The following ST18 variants were observed in gnomAD, a reference collection of about 807,000 sequenced individuals.
The protein encoded by ST18 is suppression of tumorigenicity 18 protein.
In ST18, 50 loss-of-function variants were observed where a neutral mutation model predicts 110.0. The observed-to-expected ratio is 0.45, with a 90% CI of 0.36 to 0.58. The LOEUF is 0.58. Among genes scored for constraint, ST18 ranks in the 20% least tolerant of loss-of-function variants. The pLI is 0.00. For missense variants in ST18, 1,306 were observed against 1,280.1 expected, an observed-to-expected ratio of 1.02 and a Z score of -0.31; for synonymous variants, 461 against 452.4, an observed-to-expected ratio of 1.02 and a Z score of -0.24.
chr8:52,172,342 A>G lies in ST18; in HGVS notation c.519T>C (p.Asp173=). 6.2e-7 allele frequency: 1 copy of G among 1,614,142 alleles called. No homozygotes were observed. Among genetic ancestry groups the G allele is most frequent in the South Asian group, 1.1e-5 (1 of 91,084 alleles). Residue 173 remains aspartate (D), a synonymous_variant, in exon 10 of 26, where the codon GAT becomes GAC. Coordinates refer to ENST00000689386, the MANE Select transcript of ST18 (RefSeq NM_001352837.2). ...AATCATCAATCTTGTCTCTTCCATC[A>G]TCAGAATGAATCAGAAAGCACTCGT... ...EADECFLIHS[D]DGRDKIDDSQ...
At chr8:52,224,856 A>G (rs1419344696) in intron 3 of ST18, among the ~76,000 whole-genome samples, 1 of 152,242 alleles carries the variant, frequency 6.6e-6, no homozygotes, top group East Asian at 1.9e-4. Context: ...AAATTTGTCA[A>G]TGCACACAAT....
At chr8:52,185,825 G>A (rs1374970128) in intron 8 of ST18, among the ~76,000 whole-genome samples, 1 of 151,814 alleles carries the variant, frequency 6.6e-6, no homozygotes, top group Non-Finnish European at 1.5e-5. Flanking sequence ...AAGAAAATGT[G>A]AGATATTACC....
chr8:52,113,425 C>A, intron 25 of ST18, 87 bp from the exon 26 acceptor site: 1 of 1,535,232 alleles, frequency 6.5e-7, no homozygotes, highest in Non-Finnish European at 8.9e-7. Context: ...GATCAGTGAT[C>A]CGGGAGTCGG....
chr8:52,129,434 A>G (rs892126975), intron 22 of ST18, among the ~76,000 whole-genome samples: 1 of 143,080 alleles, frequency 7.0e-6, no homozygotes, highest in Non-Finnish European at 1.5e-5. Context: ...AGTCTGGGTG[A>G]CAGAGTGAGA....
chr8:52,169,165 T>C (rs1390679021), intron 10 of ST18, among the ~76,000 whole-genome samples: 1 of 152,166 alleles, frequency 6.6e-6, no homozygotes, highest in African/African-American at 2.4e-5. Flanking sequence ...GAAACAAAGA[T>C]GCAGGGAAAT....
rs760744699 is a variant in ST18, at chr8:52,149,872, G to T, written c.1912C>A (p.Pro638Thr). 5 of 1,614,064 alleles carry T rather than the reference G, an allele frequency of 3.1e-6. No individual in the cohort carries two copies. Among genetic ancestry groups the T allele is most frequent in the Non-Finnish European group, 4.2e-6 (5 of 1,180,038 alleles). Residue 638 changes from proline (P) to threonine (T), a missense_variant, in exon 16 of 26, where the codon CCA becomes ACA. Physicochemically the swap from Pro to Thr is conservative, Grantham distance 38 (BLOSUM62 -1). Transcript: ENST00000689386. ...APLTSSNTSI[P>T]TPSSSPFKTS... ...TTGAATGGGGAAGAGGAAGGAGTTG[G>T]AATAGAAGTGTTAGAGGAAGTTAGG...
intron 2 of ST18, among the ~76,000 whole-genome samples, chr8:52,260,885 A>G (rs768988449): frequency 1.2e-4 from 18 of 152,240 alleles, no homozygotes; most frequent in African/African-American, 1.7e-4. Flanking sequence ...GACATAGTAG[A>G]CCACAATGTC....
At chr8:52,348,669 G>A (rs181634270) in intron 2 of ST18, among the ~76,000 whole-genome samples, 1 of 152,198 alleles carries the variant, frequency 6.6e-6, no homozygotes, top group Non-Finnish European at 1.5e-5. Context: ...GCTTGAACCC[G>A]GGAGGCAGAG....
chr8:52,347,979 G>A (rs1159909560), intron 2 of ST18, among the ~76,000 whole-genome samples: 2 of 152,090 alleles, frequency 1.3e-5, no homozygotes, highest in Admixed American at 1.3e-4. Context: ...ATATAGATGT[G>A]TACCACCATT....
intron 15 of ST18, among the ~76,000 whole-genome samples, chr8:52,151,396 A>T (rs1211028236): frequency 7.2e-5 from 11 of 152,198 alleles, no homozygotes; most frequent in Non-Finnish European, 5.9e-5. Context: ...TTGTACTAAG[A>T]TGCTTTGGCC....
intron 2 of ST18, among the ~76,000 whole-genome samples, chr8:52,370,390 G>A (rs575177880): frequency 1.9e-4 from 27 of 145,544 alleles, no homozygotes; most frequent in African/African-American, 5.1e-4. Context: ...GCATGTGTGC[G>A]TGTGTGTGTG....
chr8:52,229,287 G>A (rs1254281200), intron 3 of ST18, among the ~76,000 whole-genome samples: 1 of 152,184 alleles, frequency 6.6e-6, no homozygotes, highest in Non-Finnish European at 1.5e-5. Context: ...AGTTTTGGAG[G>A]TCCAAAGTCT....
intron 2 of ST18, among the ~76,000 whole-genome samples, chr8:52,276,032 C>CAA (rs2095232219): frequency 6.9e-5 from 1 of 14,440 alleles, no homozygotes. Flanking sequence ...CCCACACACA[C>CAA]ACCACATGCA....
intron 2 of ST18, among the ~76,000 whole-genome samples, chr8:52,315,328 G>A (rs892180556): frequency 1.2e-4 from 18 of 152,248 alleles, no homozygotes; most frequent in Admixed American, 3.9e-4. Flanking sequence ...TTAATTAAGC[G>A]TATACAACAG....
chr8:52,396,248 A>G (rs1332670335), intron 2 of ST18, among the ~76,000 whole-genome samples: 1 of 152,166 alleles, frequency 6.6e-6, no homozygotes, highest in Non-Finnish European at 1.5e-5. Context: ...TTCATTCTAC[A>G]TATGACTACT....
intron 2 of ST18, among the ~76,000 whole-genome samples, chr8:52,281,157 A>T (rs989506004): frequency 6.6e-6 from 1 of 152,146 alleles, no homozygotes; most frequent in African/African-American, 2.4e-5. Flanking sequence ...AACTCATGAG[A>T]TATAGGAAAT....
At chr8:52,297,992 A>G (rs998787313) in intron 2 of ST18, among the ~76,000 whole-genome samples, 7 of 152,216 alleles carry the variant, frequency 4.6e-5, no homozygotes, top group African/African-American at 1.7e-4. Context: ...GTTATCTTCT[A>G]TAACCTCATT....
intron 2 of ST18, among the ~76,000 whole-genome samples, chr8:52,284,180 T>G (rs1269285130): frequency 1.3e-5 from 2 of 152,230 alleles, no homozygotes; most frequent in African/African-American, 4.8e-5. Flanking sequence ...TATGGAATTC[T>G]GGGTTTTAGG....
intron 2 of ST18, among the ~76,000 whole-genome samples, chr8:52,297,641 A>G (rs1335302601): frequency 6.6e-6 from 1 of 152,220 alleles, no homozygotes; most frequent in African/African-American, 2.4e-5. Flanking sequence ...CTACATCAAA[A>G]CATCATAAAT....
Sources: gnomAD v4.1 joint callset for allele counts (sites outside exome capture counted in the v4.1 genomes callset) on GRCh38, gnomAD v4.1.1 for gene constraint, MANE v1.5 for transcripts, NCBI Gene and HGNC (gene_info 2026-07-23, HGNC 2026-07-21) for gene names.